The following EDIL3 variants were observed in gnomAD, a reference collection of about 807,000 sequenced individuals.
EDIL3 encodes EGF-like repeat and discoidin I-like domain-containing protein 3.
Under a neutral mutation model 67.4 loss-of-function variants are expected in EDIL3, and 37 were observed. The observed-to-expected ratio is 0.55, with a 90% CI of 0.42 to 0.72. EDIL3 has a LOEUF of 0.72. Ranked by LOEUF, EDIL3 falls within the 30% of genes least tolerant of loss-of-function variation. The pLI, the probability that EDIL3 is intolerant of heterozygous loss-of-function variation, is 0.00. For synonymous variants in EDIL3, 195 were observed against 196.3 expected (o/e 0.99, Z 0.05); for missense variants, 527 against 586.3 (o/e 0.90, Z 1.04).
intron 9 of EDIL3, among the ~76,000 whole-genome samples, chr5:84,010,081 C>T (rs567706614): frequency 6.6e-6 from 1 of 152,196 alleles, no homozygotes; most frequent in Admixed American, 6.5e-5. Flanking sequence ...GTGGCAGATG[C>T]CAACATTCGT....
At chr5:83,977,022 G>C (rs774183290) in intron 9 of EDIL3, among the ~76,000 whole-genome samples, 2 of 151,440 alleles carry the variant, frequency 1.3e-5, no homozygotes, top group Non-Finnish European at 3.0e-5. Flanking sequence ...CCAGTTTTTG[G>C]CTTTTAAAAT....
intron 9 of EDIL3, among the ~76,000 whole-genome samples, chr5:83,982,098 AT>A (rs1381146305): frequency 2.0e-5 from 3 of 152,104 alleles, no homozygotes; most frequent in Non-Finnish European, 2.9e-5. Context: ...ACCAAAAAAA[AT>A]CTAACACATG....
At chr5:84,116,204 A>AAC (rs796158692) in intron 5 of EDIL3, among the ~76,000 whole-genome samples, 83 of 151,540 alleles carry the variant, frequency 5.5e-4, no homozygotes, top group African/African-American at 1.9e-3. Flanking sequence ...AAAAAAAAAA[A>AAC]AAAAACCCCA....
chr5:84,229,544 T>C (rs1744523979), intron 3 of EDIL3, among the ~76,000 whole-genome samples: 1 of 152,132 alleles, frequency 6.6e-6, no homozygotes, highest in Non-Finnish European at 1.5e-5. Context: ...CTGTATTATT[T>C]TTCTGTATTT....
At chr5:84,280,917 T>G (rs1580052647) in intron 1 of EDIL3, among the ~76,000 whole-genome samples, 1 of 117,042 alleles carries the variant, frequency 8.5e-6, no homozygotes, top group African/African-American at 3.4e-5. Flanking sequence ...CCCCCTGCAC[T>G]CCAGCCTGGG....
chr5:84,084,162 A>G (rs577702682), intron 6 of EDIL3, among the ~76,000 whole-genome samples: 1 of 152,322 alleles, frequency 6.6e-6, no homozygotes, highest in South Asian at 2.1e-4. Flanking sequence ...GAGGGAAAAT[A>G]TAGAGTATAT....
chr5:83,951,076 A>C (rs1561383128), intron 10 of EDIL3, among the ~76,000 whole-genome samples: 1 of 151,774 alleles, frequency 6.6e-6, no homozygotes, highest in Non-Finnish European at 1.5e-5. Flanking sequence ...AAACTACCTG[A>C]GGCTTTCAAA....
At chr5:84,003,688 A>G (rs1745368507) in intron 9 of EDIL3, among the ~76,000 whole-genome samples, 1 of 152,154 alleles carries the variant, frequency 6.6e-6, no homozygotes, top group African/African-American at 2.4e-5. Context: ...TAAATATGAT[A>G]ACAAAAAACT....
At position 83,954,834 on chromosome 5, in the gene EDIL3, G is replaced by A. The variant is rs186512016; in HGVS notation, c.1293+8371C>T. ...TATCAGATTCACCTAAAATAGCATCGTAGTTTTTTCTATTCAAAATGCTAA... is the reference window on the plus strand; with the variant it reads ...TATCAGATTCACCTAAAATAGCATCATAGTTTTTTCTATTCAAAATGCTAA... On this transcript the variant is annotated intron_variant, in intron 10 of 10. Transcript: ENST00000296591. Among the ~76,000 whole-genome samples, 54 of 151,744 alleles carry A rather than the reference G, an allele frequency of 3.6e-4. No individual in the cohort carries two copies. The Middle Eastern group carries it at 0.01, about 29-fold the overall frequency.
chr5:84,020,934 A>G (rs1431193901), intron 9 of EDIL3, among the ~76,000 whole-genome samples: 1 of 152,096 alleles, frequency 6.6e-6, no homozygotes, highest in Non-Finnish European at 1.5e-5. Context: ...AAAAGAAGTA[A>G]AAGTAAGTCA....
At chr5:84,197,246 A>G (rs1356938748) in intron 3 of EDIL3, among the ~76,000 whole-genome samples, 2 of 152,068 alleles carry the variant, frequency 1.3e-5, no homozygotes, top group Non-Finnish European at 2.9e-5. Context: ...GTCAATGTAT[A>G]GTGAATACAG....
At chr5:84,233,254 C>A (rs1332454121) in intron 2 of EDIL3, among the ~76,000 whole-genome samples, 1 of 152,180 alleles carries the variant, frequency 6.6e-6, no homozygotes, top group Non-Finnish European at 1.5e-5. Context: ...CAGAATCTTC[C>A]TGGGTGTCTG....
intron 9 of EDIL3, among the ~76,000 whole-genome samples, chr5:84,032,506 T>C (rs1007460779): frequency 2.6e-5 from 4 of 152,142 alleles, no homozygotes; most frequent in African/African-American, 9.7e-5. Context: ...ATCATCACAT[T>C]CTTTTTTTTT....
chr5:84,317,484 G>C (rs1746539052), intron 1 of EDIL3, among the ~76,000 whole-genome samples: 3 of 152,048 alleles, frequency 2.0e-5, no homozygotes. Context: ...AAATAAACTA[G>C]AAAATCTAGA....
chr5:84,035,547 CATTTTACT>C (rs1433329423), intron 9 of EDIL3, among the ~76,000 whole-genome samples: 1 of 152,110 alleles, frequency 6.6e-6, no homozygotes, highest in Non-Finnish European at 1.5e-5. Flanking sequence ...TTCTACATTT[CATTTTACT>C]ATTATGCAAT....
chr5:84,012,815 C>A (rs776252183), intron 9 of EDIL3, among the ~76,000 whole-genome samples: 2 of 151,960 alleles, frequency 1.3e-5, no homozygotes, highest in Non-Finnish European at 2.9e-5. Flanking sequence ...CCAAATCCCT[C>A]CAGAAATGAT....
chr5:84,305,828 A>G (rs755194249), intron 1 of EDIL3, among the ~76,000 whole-genome samples: 13 of 152,092 alleles, frequency 8.5e-5, no homozygotes, highest in Non-Finnish European at 1.6e-4. Flanking sequence ...GCAGTGATCC[A>G]AAATCATGCC....
chr5:84,132,427 T>C (rs1218129598), intron 5 of EDIL3, among the ~76,000 whole-genome samples: 1 of 110,482 alleles, frequency 9.1e-6, no homozygotes, highest in Non-Finnish European at 1.7e-5. Context: ...TTATATATTT[T>C]ATATATAATA....
chr5:83,965,633 C>T (rs935438608), intron 9 of EDIL3, among the ~76,000 whole-genome samples: 4 of 151,970 alleles, frequency 2.6e-5, no homozygotes, highest in African/African-American at 9.7e-5. Flanking sequence ...CTAACATCCC[C>T]TTTTCTGCGG....
Sources: gnomAD v4.1 joint callset for allele counts (sites outside exome capture counted in the v4.1 genomes callset) on GRCh38, gnomAD v4.1.1 for gene constraint, MANE v1.5 for transcripts, NCBI Gene and HGNC (gene_info 2026-07-23, HGNC 2026-07-21) for gene names.